EGFLAM: variants seen among roughly 807,000 people sequenced by gnomAD.
EGFLAM encodes EGF like, fibronectin type III and laminin G domains.
In EGFLAM, 79 loss-of-function variants were observed where a neutral mutation model predicts 113.1. The ratio of observed to expected loss-of-function variants is 0.70; its 90% CI spans 0.58 to 0.84. EGFLAM has a LOEUF of 0.84. Ranked by LOEUF, EGFLAM falls within the 40% of genes least tolerant of loss-of-function variation. The pLI is 0.00. For synonymous variants in EGFLAM, 504 were observed against 487.6 expected (o/e 1.03, Z -0.44); for missense variants, 1,265 against 1,291.6 (o/e 0.98, Z 0.32).
At position 38,425,047 on chromosome 5, in the gene EGFLAM, A is replaced by G; in HGVS notation, c.1765A>G (p.Ile589Val). The G allele has an allele frequency of 1.9e-6, 3 of 1,614,098 alleles. No homozygotes were observed. The highest frequency in any genetic ancestry group is 1.1e-5 in the South Asian group (1 of 91,076). Residue 589 changes from isoleucine (I) to valine (V), a missense_variant, in exon 13 of 22, where the codon ATT becomes GTT. Ile to Val is a conservative substitution (Grantham distance 29, BLOSUM62 3). Transcript: ENST00000322350. ...CACAGCAATCAAAGCCGACTCCTAC[A>G]TTTGCCTCTGTCCCCTTGGGTTTAA... ...TCTAIKADSY[I>V]CLCPLGFKGR...
intron 1 of EGFLAM, among the ~76,000 whole-genome samples, chr5:38,322,611 T>A (rs1375932076): frequency 6.6e-6 from 1 of 152,100 alleles, no homozygotes; most frequent in African/African-American, 2.4e-5. Context: ...GTGCATTGAC[T>A]AGGACATGAG....
At chr5:38,434,574 C>G (rs1352503170) in intron 15 of EGFLAM, among the ~76,000 whole-genome samples, 1 of 152,162 alleles carries the variant, frequency 6.6e-6, no homozygotes, top group East Asian at 1.9e-4. Context: ...TGTGTTCATT[C>G]CCAGAGCTCT....
intron 16 of EGFLAM, among the ~76,000 whole-genome samples, chr5:38,437,230 C>T (rs998168501): frequency 1.3e-5 from 2 of 152,132 alleles, no homozygotes; most frequent in East Asian, 1.9e-4. Flanking sequence ...GTAAAGAATG[C>T]GACCTGTGTT....
Position 38,271,623 on chromosome 5 carries a change from C to T in EGFLAM, c.97+12772C>T, listed in dbSNP as rs139215133. Reference sequence around the variant, plus strand: ...GATCTGACCCCTTGGAATATCCTTCCGTTATCTCTACCCAAGGAAACACAA... The same window carrying T: ...GATCTGACCCCTTGGAATATCCTTCTGTTATCTCTACCCAAGGAAACACAA... On this transcript the variant is annotated intron_variant, in intron 1 of 21. Coordinates refer to ENST00000322350, the MANE Select transcript of EGFLAM (RefSeq NM_152403.4). Among the ~76,000 whole-genome samples the T allele has an allele frequency of 3.4e-3, 513 of 152,256 alleles. 2 individuals carry two copies. The highest frequency in any genetic ancestry group is 0.012 in the African/African-American group (484 of 41,546).
intron 5 of EGFLAM, among the ~76,000 whole-genome samples, chr5:38,358,211 C>T (rs1279178616): frequency 6.6e-6 from 1 of 151,090 alleles, no homozygotes; most frequent in African/African-American, 2.4e-5. Flanking sequence ...TTTGGGAGGC[C>T]GAGGTGGGTG....
chr5:38,310,004 A>G (rs1443350600), intron 1 of EGFLAM, among the ~76,000 whole-genome samples: 2 of 152,218 alleles, frequency 1.3e-5, no homozygotes, highest in Non-Finnish European at 2.9e-5. Context: ...CCAAGTTGCT[A>G]GCACCATTCA....
In EGFLAM at chr5:38,411,199, G is replaced by A. The variant is rs992748471; in HGVS notation, c.1350-1305G>A. 2.6e-5 allele frequency among the ~76,000 whole-genome samples: 4 copies of A among 152,126 alleles called. No homozygotes were observed. In the South Asian group the frequency reaches 6.2e-4, roughly 24 times the overall value. ...AATCCCAGGATTTTGGGAGGCCAAG[G>A]TGGGCGGATCACGAGGTCAGGAGAT... On this transcript the variant is annotated intron_variant, in intron 10 of 21. Coordinates refer to ENST00000322350, the MANE Select transcript of EGFLAM (RefSeq NM_152403.4).
intron 1 of EGFLAM, among the ~76,000 whole-genome samples, chr5:38,333,215 G>A (rs1561281940): frequency 6.6e-6 from 1 of 152,154 alleles, no homozygotes; most frequent in South Asian, 2.1e-4. Context: ...TGGGCATTTA[G>A]GTTGATTCCA....
At chr5:38,333,916 G>GTTTTTTTTTTTTTTTTTTTTTTTT (rs70978880) in intron 1 of EGFLAM, among the ~76,000 whole-genome samples, 1 of 29,276 alleles carries the variant, frequency 3.4e-5, no homozygotes, top group Admixed American at 5.9e-4. Context: ...ATTGTTGAGG[G>GTTTTTTTTTTTTTTTTTTTTTTTT]TTTTTTTTTT....
intron 1 of EGFLAM, chr5:38,285,892 C>G (rs1268859915): frequency 6.6e-6 from 1 of 152,068 alleles, no homozygotes; most frequent in Non-Finnish European, 1.5e-5. Context: ...CACCTCCGTC[C>G]CACAACTTGT....
At chr5:38,385,301 CCGCCAA>C (rs1489510711) in intron 6 of EGFLAM, among the ~76,000 whole-genome samples, 2 of 139,390 alleles carry the variant, frequency 1.4e-5, no homozygotes, top group East Asian at 5.1e-4. Context: ...GCCCCCGCCA[CCGCCAA>C]CAAACACCAA....
intron 19 of EGFLAM, among the ~76,000 whole-genome samples, chr5:38,453,485 A>G (rs1742987833): frequency 6.6e-6 from 1 of 152,140 alleles, no homozygotes; most frequent in Admixed American, 6.5e-5. Context: ...GCTATTCCCT[A>G]AATAGCAGAG....
intron 10 of EGFLAM, 133 bp from the exon 11 acceptor site, chr5:38,412,371 G>C (rs142155387): frequency 7.5e-7 from 1 of 1,328,602 alleles, no homozygotes; most frequent in East Asian, 2.3e-5. Context: ...AACAGCACTT[G>C]ATATTCATAA....
intron 6 of EGFLAM, among the ~76,000 whole-genome samples, chr5:38,385,841 T>C (rs1740645066): frequency 1.3e-5 from 2 of 152,190 alleles, no homozygotes; most frequent in Admixed American, 1.3e-4. Context: ...TTCTGAGAAA[T>C]GCACCATTAG....
At chr5:38,456,486 C>T (rs1040280532) in intron 19 of EGFLAM, among the ~76,000 whole-genome samples, 1 of 152,166 alleles carries the variant, frequency 6.6e-6, no homozygotes, top group African/African-American at 2.4e-5. Context: ...ATTCCGCCAC[C>T]AGGCTGCTTT....
chr5:38,370,575 C>G (rs1422195705), intron 6 of EGFLAM, 113 bp downstream of exon 6: 3 of 1,317,832 alleles, frequency 2.3e-6, no homozygotes, highest in Non-Finnish European at 3.0e-6. Flanking sequence ...AAAGGGCTAA[C>G]CCCAGGCTTT....
At chr5:38,351,840 A>G (rs1281579446) in intron 4 of EGFLAM, among the ~76,000 whole-genome samples, 2 of 152,098 alleles carry the variant, frequency 1.3e-5, no homozygotes, top group Non-Finnish European at 2.9e-5. Context: ...TGCTATTAGG[A>G]GTTGAGAATG....
rs781379853 is a variant in EGFLAM, at chr5:38,337,501, C to T, written c.98-19C>T. ...GGATGTGTGGAGCCTCTAACACAAT[C>T]TCTTTTGTTTGGGGGCAGGCAAGGT... On this transcript the variant is annotated intron_variant, in intron 1 of 21. Coordinates refer to ENST00000322350, the MANE Select transcript of EGFLAM (RefSeq NM_152403.4). The T allele has an allele frequency of 3.8e-6, 6 of 1,577,172 alleles. 1 individual carries two copies. In the South Asian group the frequency reaches 6.9e-5, roughly 18 times the overall value.
Position 38,418,242 on chromosome 5 carries a change from TG to T in EGFLAM, c.1675del (p.Ala559LeufsTer49). The T allele has an allele frequency of 4.3e-6, 7 of 1,613,800 alleles. No individual in the cohort carries two copies. The highest frequency in any genetic ancestry group is 5.9e-6 in the Non-Finnish European group (7 of 1,179,888). ...CCTGGCCCCTGGGAAAAGCACTCAG[TG>T]GGGCTGATGTGGGTAAGTGGCTGCC... ...RPWPLGKALS[G>X]ADVGECSSGI... On this transcript the variant is annotated frameshift_variant, in exon 12 of 22. Coordinates refer to ENST00000322350, the MANE Select transcript of EGFLAM (RefSeq NM_152403.4). LOFTEE classifies it high-confidence loss of function.
Sources: allele counts gnomAD v4.1 joint callset (sites outside exome capture counted in the v4.1 genomes callset), GRCh38; gene constraint gnomAD v4.1.1; transcripts MANE v1.5; gene names NCBI Gene and HGNC (gene_info 2026-07-23, HGNC 2026-07-21).